Variants in GLS2 observed in about 807,000 individuals in gnomAD.
GLS2 encodes the protein glutaminase liver isoform, mitochondrial.
Under a neutral mutation model 79.0 loss-of-function variants are expected in GLS2, and 52 were observed. The observed-to-expected ratio is 0.66, with a 90% CI of 0.53 to 0.83. The LOEUF (loss-of-function observed/expected upper bound fraction) is 0.83. Among genes scored for constraint, GLS2 ranks in the 40% least tolerant of loss-of-function variants. The pLI is 0.00. For synonymous variants in GLS2, 238 were observed against 280.8 expected (o/e 0.85, Z 1.52); for missense variants, 561 against 764.8 (o/e 0.73, Z 3.14).
In GLS2 at chr12:56,488,042, G is replaced by C; in HGVS notation, c.77C>G (p.Pro26Arg). 1.3e-6 allele frequency: 2 copies of C among 1,591,032 alleles called. No individual in the cohort carries two copies. The highest frequency in any genetic ancestry group is 1.7e-6 in the Non-Finnish European group (2 of 1,175,674). ...CCCGCCAAGGAGGGGGCTCCGGCTC[G>C]GGTGACCCCAGCCTCCTCGCCCGCA... ...SHCGRGGWGH[P>R]SRSPLLGGGV... is the part of the protein sequence containing the mutation. The change falls in exon 1 of 18, where the codon CCG becomes CGG. Residue 26 changes from proline (P) to arginine (R), a missense_variant. Around this residue, in one of 4 missense-constraint regions of GLS2, gnomAD observed 161 missense variants for 167.8 expected, o/e 0.96. Transcript: ENST00000311966.
intron 4 of GLS2, chr12:56,478,840 A>G: frequency 1.9e-6 from 1 of 528,272 alleles, no homozygotes; most frequent in Admixed American, 3.5e-5. Context: ...TAAAAATACA[A>G]AAATTAGTCG....
At chr12:56,480,479 G>T in intron 1 of GLS2, 92 bp from the exon 2 acceptor site, 1 of 919,976 alleles carries the variant, frequency 1.1e-6, no homozygotes, top group Non-Finnish European at 1.8e-6. Flanking sequence ...GTAGGTGAGT[G>T]TCCTCATTCT....
chr12:56,476,101 A>T (rs953692025), intron 7 of GLS2, 124 bp from the exon 8 acceptor site: 13 of 838,554 alleles, frequency 1.6e-5, no homozygotes, highest in African/African-American at 3.4e-5. Context: ...GTTCAATTTT[A>T]TAATGGCCCT....
In GLS2 at chr12:56,477,664, A is replaced by G. The variant is rs762659600; in HGVS notation, c.833T>C (p.Ile278Thr). 1 of 1,613,430 alleles carries G rather than the reference A, an allele frequency of 6.2e-7. No individual in the cohort carries two copies. Among genetic ancestry groups the G allele is most frequent in the Non-Finnish European group, 8.5e-7 (1 of 1,179,750 alleles). The change falls in exon 7 of 18, where the codon ATC becomes ACC. Residue 278 changes from isoleucine (I) to threonine (T), a missense_variant. This residue lies in a region of GLS2 where 221 missense variants were observed against 275.6 expected (regional missense o/e 0.80). Coordinates refer to ENST00000311966, the MANE Select transcript of GLS2 (RefSeq NM_013267.4). ...GAAGGTTAAGGTGGCACTGACCTTG[A>G]TCAGGGAGCTGACAACAATGGCACC... ...NAGAIVVSSL[I>T]KMDCNKAEKF...
intron 15 of GLS2, 27 bp from the exon 16 acceptor site, chr12:56,472,222 G>A: frequency 6.2e-7 from 1 of 1,605,536 alleles, no homozygotes; most frequent in East Asian, 2.2e-5. Context: ...AGCAGCTAGA[G>A]TTGCCTAGAT....
At position 56,472,184 on chromosome 12, in the gene GLS2, GAC is replaced by G; in HGVS notation, c.1521_1522del (p.Leu507PhefsTer11). On this transcript the variant is annotated frameshift_variant, in exon 16 of 18. Coordinates refer to ENST00000311966, the MANE Select transcript of GLS2 (RefSeq NM_013267.4). LOFTEE classifies it high-confidence loss of function. The stretch of plus-strand genomic sequence containing the variant: ...GTCTTTCTGTTCCATATCCATGGCT[GAC>G]AAGGCAAACCTGAGGGTAGTGGGAA... 1 of 1,614,142 alleles carries G rather than the reference GAC, an allele frequency of 6.2e-7. No individual in the cohort carries two copies. The highest frequency in any genetic ancestry group is 1.3e-5 in the African/African-American group (1 of 75,046).
At chr12:56,472,047 T>C in intron 16 of GLS2, 72 bp downstream of exon 16, 3 of 1,526,430 alleles carry the variant, frequency 2.0e-6, no homozygotes, top group South Asian at 1.1e-5. Context: ...GCACATATAA[T>C]GAAGGTACTT....
rs1321513095 is a variant in GLS2, at chr12:56,474,907, G to A, written c.997-11C>T. On this transcript the variant is annotated splice_polypyrimidine_tract_variant and intron_variant, in intron 10 of 17. Coordinates refer to ENST00000311966, the MANE Select transcript of GLS2 (RefSeq NM_013267.4). ...CCCCTTAGGAAAGCACTGCAAGGAAGAGAGGGGAGAGCATTTCTCTTCAGG... is the reference window on the plus strand; with the variant it reads ...CCCCTTAGGAAAGCACTGCAAGGAAAAGAGGGGAGAGCATTTCTCTTCAGG... 1.2e-6 allele frequency: 2 copies of A among 1,614,020 alleles called. No individual in the cohort carries two copies. Among genetic ancestry groups the A allele is most frequent in the Admixed American group, 1.7e-5 (1 of 60,008 alleles).
chr12:56,479,914 G>GA lies in GLS2; in HGVS notation c.283-14dup. The GA allele has an allele frequency of 6.2e-7, 1 of 1,611,248 alleles. No homozygotes were observed. The highest frequency in any genetic ancestry group is 1.1e-5 in the South Asian group (1 of 90,726). On this transcript the variant is annotated splice_polypyrimidine_tract_variant and intron_variant, in intron 2 of 17. Transcript: ENST00000311966. ...TGGCCTTTAGTGCCTTTAGAGGAAA[G>GA]AAGAGGCCAGAAAGGTCAGCTACAA... is the stretch of plus-strand genomic sequence containing the variant.
intron 14 of GLS2, 170 bp from the exon 15 acceptor site, chr12:56,472,921 T>G (rs895782193): frequency 3.3e-6 from 2 of 601,166 alleles, no homozygotes; most frequent in Admixed American, 3.1e-5. Flanking sequence ...GGAGTCTCGC[T>G]CTGTCGTTCA....
intron 8 of GLS2, 78 bp from the exon 9 acceptor site, chr12:56,475,760 C>T: frequency 6.6e-7 from 1 of 1,518,060 alleles, no homozygotes; most frequent in South Asian, 1.1e-5. Context: ...ACTAGCCCTT[C>T]TGAACTCAGG....
Position 56,478,077 on chromosome 12 carries a change from TTGTG to T in GLS2, c.630_633del (p.His210GlnfsTer11). 3 of 1,614,118 alleles carry T rather than the reference TTGTG, an allele frequency of 1.9e-6. No homozygotes were observed. Among genetic ancestry groups the T allele is most frequent in the Non-Finnish European group, 2.5e-6 (3 of 1,179,982 alleles). The stretch of plus-strand genomic sequence containing the variant: ...CAGGACTGCAGGCAGAAGGGGATCT[TTGTG>T]TGGCCCACAGAGTGCCTGGAGGCAG... On this transcript the variant is annotated frameshift_variant, in exon 6 of 18. Transcript: ENST00000311966. LOFTEE classifies it high-confidence loss of function.
chr12:56,473,250 C>T lies in GLS2; in HGVS notation c.1427G>A (p.Arg476Gln), dbSNP rs748540701. The change falls in exon 14 of 18, where the codon CGG becomes CAG. Residue 476 changes from arginine to glutamine, a missense_variant. Arg to Gln is a conservative substitution (Grantham distance 43). This residue lies in a region of GLS2 where 136 missense variants were observed against 228.6 expected (regional missense o/e 0.59). Transcript: ENST00000311966. ...LRHCARKLDP[R>Q]REGAEIRNKT... ...TACCCGAATTTCTGCCCCTTCACGC[C>T]GTGGGTCTAACTTCCGAGCACAGTG... 6.8e-6 allele frequency: 11 copies of T among 1,614,048 alleles called. No homozygotes were observed. Among genetic ancestry groups the T allele is most frequent in the African/African-American group, 4.0e-5 (3 of 74,980 alleles).
chr12:56,487,995 C>T lies in GLS2; in HGVS notation c.124G>A (p.Glu42Lys), dbSNP rs577536175. ...GTCTCTCTGCCCTGCGCCGCGGCCT[C>T]ACTGAGGTGGTGCCGGACGCCCCCG... ...LGGGVRHHLS[E>K]AAAQGRETPH... is the part of the protein sequence containing the mutation. The change falls in exon 1 of 18, where the codon GAG (glutamate) becomes AAG (lysine). Residue 42 changes from glutamate to lysine, a missense_variant. Coordinates refer to ENST00000311966, the MANE Select transcript of GLS2 (RefSeq NM_013267.4). The T allele has an allele frequency of 9.4e-6, 15 of 1,601,276 alleles. No individual in the cohort carries two copies. The South Asian group carries it at 1.2e-4, about 13-fold the overall frequency.
chr12:56,474,400 C>T, intron 12 of GLS2, 144 bp downstream of exon 12: 1 of 955,438 alleles, frequency 1.0e-6, no homozygotes, highest in East Asian at 2.6e-5. Context: ...AGAAACTCGT[C>T]TAAGGAGTCT....
At chr12:56,477,433 G>C (rs1358851729) in intron 7 of GLS2, 4 of 434,954 alleles carry the variant, frequency 9.2e-6, no homozygotes, top group African/African-American at 4.0e-5. Flanking sequence ...ACTCATGGGT[G>C]GGGGCAGGGA....
intron 1 of GLS2, among the ~76,000 whole-genome samples, chr12:56,482,967 T>A (rs180907160): frequency 6.6e-6 from 1 of 152,332 alleles, no homozygotes; most frequent in Admixed American, 6.5e-5. Flanking sequence ...TCAAAGATCT[T>A]TGACCCAGTA....
chr12:56,479,046 T>C lies in GLS2; in HGVS notation c.534+6A>G. ...CTGACCCCTCCCTTAGTCCCCTGAC[T>C]CTCACTTTGCCTCCAGTGAGCTCTT... On this transcript the variant is annotated splice_donor_region_variant and intron_variant, in intron 4 of 17. Coordinates refer to ENST00000311966, the MANE Select transcript of GLS2 (RefSeq NM_013267.4). The C allele has an allele frequency of 2.5e-6, 4 of 1,610,020 alleles. No homozygotes were observed. Among genetic ancestry groups the C allele is most frequent in the Non-Finnish European group, 3.4e-6 (4 of 1,178,122 alleles).
chr12:56,479,397 G>A, intron 3 of GLS2: 1 of 510,182 alleles, frequency 2.0e-6, no homozygotes, highest in South Asian at 3.9e-5. Context: ...CTATGTCTTG[G>A]GATATGAGAA....
Sources: gnomAD v4.1 joint callset for allele counts (sites outside exome capture counted in the v4.1 genomes callset) on GRCh38, gnomAD v4.1.1 for gene constraint, gnomAD v4.1.1 regional missense constraint, MANE v1.5 for transcripts, NCBI Gene and HGNC (gene_info 2026-07-23, HGNC 2026-07-21) for gene names.